The following CAGE1 variants were observed in gnomAD, a reference collection of about 807,000 sequenced individuals.
CAGE1 encodes cancer-associated gene 1 protein.
A neutral mutation model predicts 94.9 loss-of-function variants in CAGE1; 66 were observed. That is an observed-to-expected ratio of 0.70 (90% CI 0.57 to 0.85). The LOEUF (loss-of-function observed/expected upper bound fraction) is 0.85. CAGE1 is among the 40% of genes least tolerant of loss of function. CAGE1 has a pLI of 0.00. For synonymous variants in CAGE1, 319 were observed against 321.0 expected (o/e 0.99, Z 0.07); for missense variants, 865 against 950.4 (o/e 0.91, Z 1.18).
At chr6:7,358,059 T>TATAC (rs1561858157) in intron 9 of CAGE1, among the ~76,000 whole-genome samples, 1 of 119,228 alleles carries the variant, frequency 8.4e-6, no homozygotes, top group Non-Finnish European at 1.7e-5. Context: ...TATATATATA[T>TATAC]ATATATATAT....
At chr6:7,358,059 T>TATATAC (rs1760036632) in intron 9 of CAGE1, among the ~76,000 whole-genome samples, 2 of 119,228 alleles carry the variant, frequency 1.7e-5, no homozygotes, top group African/African-American at 6.4e-5. Flanking sequence ...TATATATATA[T>TATATAC]ATATATATAT....
chr6:7,373,358 T>C lies in CAGE1; in HGVS notation c.1461A>G (p.Leu487=), dbSNP rs772364918. ...TTTCAAGTTTCTGGAATTCCTCCTG[T>C]AAAGACAAGAACTCTTGTTCTTGGG... is the stretch of plus-strand genomic sequence containing the variant. ...KEAQEQEFLS[L]QEEFQKLEKE... is the part of the protein sequence containing the mutation. The change falls in exon 5 of 14, where the codon TTA becomes TTG. Residue 487 remains leucine (L), a synonymous_variant. Coordinates refer to ENST00000502583, the MANE Select transcript of CAGE1 (RefSeq NM_001170692.2). 1.2e-6 allele frequency: 2 copies of C among 1,613,442 alleles called. No homozygotes were observed.
At chr6:7,344,927 C>T (rs1759371697) in intron 11 of CAGE1, among the ~76,000 whole-genome samples, 1 of 152,178 alleles carries the variant, frequency 6.6e-6, no homozygotes, top group African/African-American at 2.4e-5. Flanking sequence ...TTGCGCCTAG[C>T]TCAGGGATTG....
At chr6:7,344,784 G>T (rs1759364338) in intron 11 of CAGE1, among the ~76,000 whole-genome samples, 1 of 152,206 alleles carries the variant, frequency 6.6e-6, no homozygotes, top group African/African-American at 2.4e-5. Context: ...ACACCAATCA[G>T]CACCCTGTGT....
chr6:7,368,853 GA>G (rs904937577), intron 6 of CAGE1, 55 bp from the exon 7 acceptor site: 2 of 1,068,772 alleles, frequency 1.9e-6, no homozygotes, highest in Admixed American at 5.4e-5. Flanking sequence ...AAGCTAAAAT[GA>G]GGCCAAAACT....
chr6:7,344,835 TCTAG>T (rs1238995909), intron 11 of CAGE1, among the ~76,000 whole-genome samples: 1 of 152,220 alleles, frequency 6.6e-6, no homozygotes, highest in Non-Finnish European at 1.5e-5. Flanking sequence ...ACACTCTGTA[TCTAG>T]CTATTCTGGT....
chr6:7,380,289 T>C (rs1312486385), intron 3 of CAGE1, among the ~76,000 whole-genome samples: 1 of 152,156 alleles, frequency 6.6e-6, no homozygotes, highest in African/African-American at 2.4e-5. Flanking sequence ...TAATATATAG[T>C]ATTGTTTTAT....
At chr6:7,341,707 C>T in intron 11 of CAGE1, 1 of 706,190 alleles carries the variant, frequency 1.4e-6, no homozygotes, top group African/African-American at 1.7e-5. Flanking sequence ...GTCAAAGCCA[C>T]TATAGAAGGG....
At chr6:7,387,514 A>G (rs1329130471) in intron 1 of CAGE1, among the ~76,000 whole-genome samples, 6 of 152,188 alleles carry the variant, frequency 3.9e-5, no homozygotes, top group Non-Finnish European at 8.8e-5. Flanking sequence ...AGTTTCCACA[A>G]AATCCTGGAT....
In CAGE1 at chr6:7,373,483, T is replaced by G; in HGVS notation, c.1336A>C (p.Ser446Arg). 1 of 1,613,952 alleles carries G rather than the reference T, an allele frequency of 6.2e-7. No individual in the cohort carries two copies. The highest frequency in any genetic ancestry group is 1.3e-5 in the African/African-American group (1 of 75,058). ...SQYLEMDKTL[S>R]KKEEEVERLQ... ...CTCTCTACCTCTTCTTCTTTCTTGC[T>G]TAAGGTTTTGTCCATCTCTAAATAC... The change falls in exon 5 of 14, where the codon AGC (serine) becomes CGC (arginine). Residue 446 changes from serine (S) to arginine (R), a missense_variant. Physicochemically the swap from Ser to Arg is moderately radical, Grantham distance 110. Transcript: ENST00000502583.
intron 2 of CAGE1, 55 bp from the exon 3 acceptor site, chr6:7,385,927 A>T: frequency 1.1e-6 from 1 of 941,456 alleles, no homozygotes; most frequent in Non-Finnish European, 1.6e-6. Flanking sequence ...AGCTTCTTCT[A>T]AAGGTATTTG....
chr6:7,358,030 A>ATATATATATG lies in CAGE1; in HGVS notation c.2194-1902_2194-1901insCATATATATA, dbSNP rs1554138215. On this transcript the variant is annotated intron_variant, in intron 9 of 13. Coordinates refer to ENST00000502583, the MANE Select transcript of CAGE1 (RefSeq NM_001170692.2). ...ACTGCGGTTAGGTAAGTTTTGAGAT[A>ATATATATATG]TATATATATATATATATATATATAT... 5.8e-3 allele frequency among the ~76,000 whole-genome samples: 91 copies of ATATATATATG among 15,778 alleles called. 5 individuals are homozygous for ATATATATATG. The highest frequency in any genetic ancestry group is 6.2e-3 in the South Asian group (4 of 648). 10.4% of individuals were successfully genotyped at this position (15,778 alleles called of 152,430 possible).
At chr6:7,387,895 G>A (rs12234154) in intron 1 of CAGE1, among the ~76,000 whole-genome samples, 53,752 of 148,458 alleles carry the variant, frequency 0.36, 10,047 homozygotes, top group East Asian at 0.44. Flanking sequence ...TTAGCTGGGC[G>A]CGGTGGCGTG....
At chr6:7,356,964 T>C (rs1387586877) in intron 9 of CAGE1, among the ~76,000 whole-genome samples, 2 of 151,980 alleles carry the variant, frequency 1.3e-5, no homozygotes, top group Non-Finnish European at 2.9e-5. Flanking sequence ...GCCCAGCTAA[T>C]TTTTGTATTT....
intron 11 of CAGE1, among the ~76,000 whole-genome samples, chr6:7,338,473 C>T (rs536719602): frequency 2.6e-5 from 4 of 152,064 alleles, no homozygotes; most frequent in Admixed American, 6.5e-5. Flanking sequence ...TTTTGTCAAA[C>T]GGTTTTTCTG....
At chr6:7,353,878 TG>T (rs1759865435) in intron 11 of CAGE1, among the ~76,000 whole-genome samples, 2 of 152,026 alleles carry the variant, frequency 1.3e-5, no homozygotes, top group Non-Finnish European at 2.9e-5. Flanking sequence ...CACTGATATG[TG>T]GGAGCTAAGC....
In CAGE1 at chr6:7,378,805, TTGG is replaced by T; in HGVS notation, c.496_498del (p.Pro166del). 6.2e-7 allele frequency: 1 copy of T among 1,613,748 alleles called. No homozygotes were observed. The highest frequency in any genetic ancestry group is 1.1e-5 in the South Asian group (1 of 91,010). ...GTATTTGCAGAAACACTAGTTTCCA[TTGG>T]ATTTTCTTCCTTAAATGAGTCTTGC... On this transcript the variant is annotated inframe_deletion, in exon 4 of 14. Coordinates refer to ENST00000502583, the MANE Select transcript of CAGE1 (RefSeq NM_001170692.2).
At chr6:7,349,584 T>G (rs1342688668) in intron 11 of CAGE1, among the ~76,000 whole-genome samples, 1 of 151,900 alleles carries the variant, frequency 6.6e-6, no homozygotes. Context: ...AATACTAACA[T>G]TGAATATAAA....
At chr6:7,332,666 T>G (rs547144382) in intron 12 of CAGE1, among the ~76,000 whole-genome samples, 95 of 152,256 alleles carry the variant, frequency 6.2e-4, no homozygotes, top group Non-Finnish European at 1.2e-3. Flanking sequence ...AAACTCCTCA[T>G]AAGGCTTTAG....
Sources: allele counts gnomAD v4.1 joint callset (sites outside exome capture counted in the v4.1 genomes callset), GRCh38; gene constraint gnomAD v4.1.1; transcripts MANE v1.5; gene names NCBI Gene and HGNC (gene_info 2026-07-23, HGNC 2026-07-21).